The following KLHDC2 variants were observed in gnomAD, a reference collection of about 807,000 sequenced individuals.
The protein encoded by KLHDC2 is kelch domain-containing protein 2.
KLHDC2 carries 38 observed loss-of-function variants against 62.3 expected under a neutral mutation model. That is an observed-to-expected ratio of 0.61 (90% CI 0.47 to 0.80). KLHDC2 has a LOEUF of 0.80. Ranked by LOEUF, KLHDC2 falls within the 30% of genes least tolerant of loss-of-function variation. KLHDC2 has a pLI of 0.00. For synonymous variants in KLHDC2, 159 were observed against 161.0 expected (o/e 0.99, Z 0.09); for missense variants, 430 against 495.3 (o/e 0.87, Z 1.25).
chr14:49,778,713 T>A (rs1889823240), intron 6 of KLHDC2, among the ~76,000 whole-genome samples: 1 of 151,936 alleles, frequency 6.6e-6, no homozygotes, highest in South Asian at 2.1e-4. Context: ...ATCTATTACC[T>A]AATAATCTAA....
intron 2 of KLHDC2, among the ~76,000 whole-genome samples, chr14:49,772,973 AACAGTT>A (rs1384597463): frequency 6.6e-6 from 1 of 152,176 alleles, no homozygotes; most frequent in African/African-American, 2.4e-5. Flanking sequence ...AAAAACATTT[AACAGTT>A]ACAAACTAAA....
At chr14:49,778,944 T>C (rs1889829611) in intron 6 of KLHDC2, among the ~76,000 whole-genome samples, 1 of 152,108 alleles carries the variant, frequency 6.6e-6, no homozygotes, top group Admixed American at 6.5e-5. Flanking sequence ...AGGCTGGTCT[T>C]GAACTCCTGA....
chr14:49,774,952 C>A (rs1275730706), intron 3 of KLHDC2: 4 of 366,388 alleles, frequency 1.1e-5, no homozygotes, highest in East Asian at 6.0e-5. Context: ...TCTCTTAGAA[C>A]CTTAAATGTT....
chr14:49,769,254 A>G (rs770081116), intron 1 of KLHDC2, among the ~76,000 whole-genome samples: 1 of 152,234 alleles, frequency 6.6e-6, no homozygotes, highest in African/African-American at 2.4e-5. Context: ...CAAATGAACT[A>G]CAGAGTGCAG....
At position 49,774,614 on chromosome 14, in the gene KLHDC2, C is replaced by T; in HGVS notation, c.287C>T (p.Ala96Val). The T allele has an allele frequency of 6.2e-7, 1 of 1,613,934 alleles. No individual in the cohort carries two copies. The highest frequency in any genetic ancestry group is 2.2e-5 in the East Asian group (1 of 44,870). Residue 96 changes from alanine (A) to valine (V), a missense_variant, in exon 3 of 13, where the codon GCT becomes GTT. Physicochemically the swap from Ala to Val is moderately conservative, Grantham distance 64 (BLOSUM62 0). Coordinates refer to ENST00000298307, the MANE Select transcript of KLHDC2 (RefSeq NM_014315.3). ...DVPPSMSGSC[A>V]VCVDRVLYLF... Reference sequence around the variant, plus strand: ...CCTCCTTCTATGTCAGGAAGCTGTGCTGTGTGTGTAGACAGGGTGCTGTAC... The same window carrying T: ...CCTCCTTCTATGTCAGGAAGCTGTGTTGTGTGTGTAGACAGGGTGCTGTAC...
At chr14:49,771,182 C>T (rs775974428) in intron 1 of KLHDC2, among the ~76,000 whole-genome samples, 2 of 152,084 alleles carry the variant, frequency 1.3e-5, no homozygotes, top group Admixed American at 6.5e-5. Context: ...AACCCTGTCT[C>T]TACTAAAAAT....
chr14:49,786,366 A>T lies in KLHDC2; in HGVS notation c.*3413A>T, dbSNP rs1890179290. The T allele has an allele frequency of 5.1e-6, 1 of 196,102 alleles. No individual in the cohort carries two copies. The highest frequency in any genetic ancestry group is 1.0e-5 in the Non-Finnish European group (1 of 96,314). The allele number at this position is 196,102 out of a possible 1,614,324, so 12.1% of individuals were successfully genotyped here. ...CCCCATTTATTTTACAATATGAATAAACTTAGATTTAGGACAGAATGCTTG... is the reference window on the plus strand; with the variant it reads ...CCCCATTTATTTTACAATATGAATATACTTAGATTTAGGACAGAATGCTTG... On this transcript the variant is annotated 3_prime_UTR_variant, in exon 13 of 13. Transcript: ENST00000298307.
At chr14:49,770,499 C>G (rs964782342) in intron 1 of KLHDC2, among the ~76,000 whole-genome samples, 2 of 152,194 alleles carry the variant, frequency 1.3e-5, no homozygotes, top group African/African-American at 4.8e-5. Flanking sequence ...CTTTGACACC[C>G]ATTTTTGGCT....
intron 3 of KLHDC2, among the ~76,000 whole-genome samples, chr14:49,777,352 C>T (rs1882830039): frequency 6.6e-6 from 1 of 152,088 alleles, no homozygotes; most frequent in Admixed American, 6.6e-5. Flanking sequence ...CACAAAAGAA[C>T]TTATCCATGT....
chr14:49,779,554 TTTA>T, intron 6 of KLHDC2, 38 bp from the exon 7 acceptor site: 1 of 1,485,106 alleles, frequency 6.7e-7, no homozygotes, highest in Non-Finnish European at 9.4e-7. Context: ...ATTTTCCCTG[TTTA>T]TAAAAAGTTC....
intron 1 of KLHDC2, 126 bp downstream of exon 1, chr14:49,768,747 C>T (rs1163017304): frequency 1.2e-6 from 1 of 838,564 alleles, no homozygotes; most frequent in Non-Finnish European, 1.7e-6. Flanking sequence ...CGCCCCACCT[C>T]AGACTCTGCC....
In KLHDC2 at chr14:49,782,543, C is replaced by A; in HGVS notation, c.1046C>A (p.Ala349Glu). Residue 349 changes from alanine (A) to glutamate (E), a missense_variant and splice_region_variant, in exon 12 of 13, where the codon GCA (alanine) becomes GAA (glutamate). Physicochemically the swap from Ala to Glu is moderately radical, Grantham distance 107. Transcript: ENST00000298307. ...ANNLLVHHRAAHSNEILIFSV... is the reference protein window; with the variant it reads ...ANNLLVHHRAEHSNEILIFSV... ...GTGTTCTTCCTATTTATTTTTCAGG[C>A]ACACAGTAATGAAATACTAATATTT... 6.2e-7 allele frequency: 1 copy of A among 1,606,274 alleles called. No individual in the cohort carries two copies. The highest frequency in any genetic ancestry group is 8.5e-7 in the Non-Finnish European group (1 of 1,174,558).
chr14:49,769,899 G>A (rs1889626756), intron 1 of KLHDC2, among the ~76,000 whole-genome samples: 1 of 143,250 alleles, frequency 7.0e-6, no homozygotes, highest in African/African-American at 2.6e-5. Context: ...CTGAGACGGC[G>A]CCATTGCACT....
intron 10 of KLHDC2, 149 bp from the exon 11 acceptor site, chr14:49,782,221 C>A (rs999600723): frequency 1.8e-6 from 1 of 545,064 alleles, no homozygotes; most frequent in Admixed American, 3.6e-5. Context: ...GCTTTTGCTA[C>A]TTTCCCTTAA....
At position 49,780,327 on chromosome 14, in the gene KLHDC2, G is replaced by A. The variant is rs1889864575; in HGVS notation, c.883+5G>A. Reference sequence around the variant, plus strand: ...CCACTGATAAACAGCCACTAAGTAAGTCCTTGAAAAATATGATAATGAAAT... The same window carrying A: ...CCACTGATAAACAGCCACTAAGTAAATCCTTGAAAAATATGATAATGAAAT... On this transcript the variant is annotated splice_donor_5th_base_variant and intron_variant, in intron 9 of 12. Coordinates refer to ENST00000298307, the MANE Select transcript of KLHDC2 (RefSeq NM_014315.3). 4 of 1,511,082 alleles carry A rather than the reference G, an allele frequency of 2.6e-6. No individual in the cohort carries two copies. The highest frequency in any genetic ancestry group is 3.7e-6 in the Non-Finnish European group (4 of 1,086,446). The allele number at this position is 1,511,082 out of a possible 1,614,324, so 93.6% of individuals were successfully genotyped here.
chr14:49,775,113 C>T (rs1232075770), intron 3 of KLHDC2, among the ~76,000 whole-genome samples: 1 of 152,020 alleles, frequency 6.6e-6, no homozygotes, highest in East Asian at 1.9e-4. Flanking sequence ...AAAGTGGTGC[C>T]CAAAGACAAT....
At position 49,785,441 on chromosome 14, in the gene KLHDC2, A is replaced by C. The variant is rs569876721; in HGVS notation, c.*2488A>C. On this transcript the variant is annotated 3_prime_UTR_variant, in exon 13 of 13. Coordinates refer to ENST00000298307, the MANE Select transcript of KLHDC2 (RefSeq NM_014315.3). ...CTTTTCCTGATATACATACCATCTA[A>C]GCTGGAACAGTGGTACTTAAACTCT... is the stretch of plus-strand genomic sequence containing the variant. 1.5e-6 allele frequency: 1 copy of C among 684,226 alleles called. No homozygotes were observed. The highest frequency in any genetic ancestry group is 2.7e-5 in the East Asian group (1 of 36,720). 42.4% of individuals were successfully genotyped at this position (684,226 alleles called of 1,614,324 possible). A position where few individuals can be genotyped will look rare whatever the true frequency, so the allele number is the denominator to read the frequency against.
rs1298555867 is a variant in KLHDC2 at position 49,785,747 on chromosome 14, G to GTA, written c.*2797_*2798dup. 1.7e-5 allele frequency: 3 copies of GTA among 176,380 alleles called. No homozygotes were observed. Among genetic ancestry groups the GTA allele is most frequent in the African/African-American group, 7.2e-5 (3 of 41,720 alleles). 10.9% of individuals were successfully genotyped at this position (176,380 alleles called of 1,614,324 possible). A position where few individuals can be genotyped will look rare whatever the true frequency, so the allele number is the denominator to read the frequency against. On this transcript the variant is annotated 3_prime_UTR_variant, in exon 13 of 13. Coordinates refer to ENST00000298307, the MANE Select transcript of KLHDC2 (RefSeq NM_014315.3). ...TACAAAAAATATAAAAGTTAGCTGGGTATAGTGGGTGCCTGTAGTCCCAGC... is the reference window on the plus strand; with the variant it reads ...TACAAAAAATATAAAAGTTAGCTGGGTATATAGTGGGTGCCTGTAGTCCCAGC...
chr14:49,780,329 C>T lies in KLHDC2; in HGVS notation c.883+7C>T. The T allele has an allele frequency of 1.3e-6, 2 of 1,493,874 alleles. No individual in the cohort carries two copies. Among genetic ancestry groups the T allele is most frequent in the Admixed American group, 1.7e-5 (1 of 59,780 alleles). The allele number at this position is 1,493,874 out of a possible 1,614,324, so 92.5% of individuals were successfully genotyped here. On this transcript the variant is annotated splice_region_variant and intron_variant, in intron 9 of 12. Coordinates refer to ENST00000298307, the MANE Select transcript of KLHDC2 (RefSeq NM_014315.3). ...ACTGATAAACAGCCACTAAGTAAGT[C>T]CTTGAAAAATATGATAATGAAATCA... is the stretch of plus-strand genomic sequence containing the variant.
Sources: allele counts gnomAD v4.1 joint callset (sites outside exome capture counted in the v4.1 genomes callset), GRCh38; gene constraint gnomAD v4.1.1; transcripts MANE v1.5; gene names NCBI Gene and HGNC (gene_info 2026-07-23, HGNC 2026-07-21).